Variants in SHTN1 observed in about 807,000 individuals in gnomAD.
SHTN1 encodes the protein shootin-1.
A neutral mutation model predicts 83.1 loss-of-function variants in SHTN1; 42 were observed. The ratio of observed to expected loss-of-function variants is 0.51; its 90% CI spans 0.39 to 0.65. SHTN1 has a LOEUF of 0.65. SHTN1 is among the 30% of genes least tolerant of loss of function. The probability of loss-of-function intolerance (pLI) is 0.00; values close to 1 mark genes in which losing one functional copy is unlikely to be tolerated. For missense variants in SHTN1, 622 were observed against 737.8 expected (o/e 0.84, Z 1.82); for synonymous variants, 224 against 247.7 (o/e 0.90, Z 0.90).
rs1245194162 is a variant in SHTN1, at chr10:116,968,716, A to C, written c.112-4T>G. The C allele has an allele frequency of 2.5e-5, 41 of 1,608,196 alleles. 1 individual carries two copies. The highest frequency in any genetic ancestry group is 1.6e-4 in the Middle Eastern group (1 of 6,080). On this transcript the variant is annotated splice_region_variant and splice_polypyrimidine_tract_variant and intron_variant, in intron 2 of 16. Coordinates refer to ENST00000355371, the MANE Select transcript of SHTN1 (RefSeq NM_001127211.3). ...GTTCTTGCCTAATTTTGTCACACTGAAATGAGAGAAGTAAACAAATGTTAA... is the reference window on the plus strand; with the variant it reads ...GTTCTTGCCTAATTTTGTCACACTGCAATGAGAGAAGTAAACAAATGTTAA...
At chr10:117,076,049 G>T (rs1181228331) in intron 1 of SHTN1, among the ~76,000 whole-genome samples, 4 of 151,942 alleles carry the variant, frequency 2.6e-5, no homozygotes, top group Non-Finnish European at 5.9e-5. Flanking sequence ...TAGGCGTGGT[G>T]GTGCATGCCT....
chr10:117,126,386 CAGG>C (rs1854009241), exon 1 of SHTN1: 2 of 181,848 alleles, frequency 1.1e-5, no homozygotes, highest in Admixed American at 5.7e-5. Flanking sequence ...TCCAGGCTCA[CAGG>C]AGGAGAGCTC....
intron 9 of SHTN1, among the ~76,000 whole-genome samples, chr10:116,935,743 C>T (rs1417747188): frequency 6.6e-6 from 1 of 152,158 alleles, no homozygotes; most frequent in Non-Finnish European, 1.5e-5. Context: ...AGGAATGGTA[C>T]CAGCTCCTCT....
chr10:117,104,775 AAAC>A (rs777622954), intron 1 of SHTN1, among the ~76,000 whole-genome samples: 16 of 152,274 alleles, frequency 1.1e-4, no homozygotes, highest in Non-Finnish European at 1.9e-4. Flanking sequence ...CTCCGTCTCA[AAAC>A]AACAACAACA....
chr10:117,112,427 C>T (rs1853781561), intron 1 of SHTN1, among the ~76,000 whole-genome samples: 1 of 152,162 alleles, frequency 6.6e-6, no homozygotes, highest in Non-Finnish European at 1.5e-5. Context: ...CAATAGAGGG[C>T]CTGGCCTGCT....
intron 16 of SHTN1, among the ~76,000 whole-genome samples, chr10:116,900,075 TA>T (rs1463992550): frequency 6.6e-6 from 1 of 152,246 alleles, no homozygotes; most frequent in Admixed American, 6.5e-5. Context: ...TCAATCTGGA[TA>T]GTCTAATTAT....
intron 2 of SHTN1, chr10:116,974,046 C>T: frequency 9.4e-7 from 1 of 1,063,262 alleles, no homozygotes; most frequent in Non-Finnish European, 1.2e-6. Flanking sequence ...CTCTCTTTCT[C>T]TTTTGGTGTT....
At chr10:117,052,277 A>T (rs1852756569) in intron 1 of SHTN1, among the ~76,000 whole-genome samples, 1 of 151,928 alleles carries the variant, frequency 6.6e-6, no homozygotes, top group African/African-American at 2.4e-5. Flanking sequence ...AGAAAATTTT[A>T]AAACCTAAAT....
intron 14 of SHTN1, among the ~76,000 whole-genome samples, chr10:116,909,057 T>C (rs1390886216): frequency 6.6e-6 from 1 of 152,178 alleles, no homozygotes; most frequent in Non-Finnish European, 1.5e-5. Context: ...AATCATAAAA[T>C]TTGAGAATCA....
chr10:117,029,392 G>A (rs1191759643), intron 2 of SHTN1, among the ~76,000 whole-genome samples: 3 of 152,200 alleles, frequency 2.0e-5, no homozygotes, highest in Non-Finnish European at 4.4e-5. Flanking sequence ...GCTGGAATGA[G>A]TTATGACCTT....
intron 9 of SHTN1, among the ~76,000 whole-genome samples, chr10:116,930,337 G>T (rs1313158258): frequency 1.3e-5 from 2 of 152,066 alleles, no homozygotes; most frequent in Non-Finnish European, 1.5e-5. Context: ...CATCACCAAG[G>T]TAAAAAGAAT....
intron 14 of SHTN1, among the ~76,000 whole-genome samples, chr10:116,910,223 G>A (rs1026209147): frequency 3.3e-5 from 5 of 152,158 alleles, no homozygotes; most frequent in African/African-American, 1.2e-4. Context: ...GCAGAGAGTA[G>A]GGGAGAGGAT....
At chr10:117,005,615 G>C (rs1325163109), upstream of SHTN1, 1 of 987,136 alleles carries the variant, frequency 1.0e-6, no homozygotes, top group African/African-American at 1.7e-5. Flanking sequence ...TAGTTTTCCC[G>C]CAGTAGACTC....
intron 2 of SHTN1, among the ~76,000 whole-genome samples, chr10:117,011,762 G>T (rs1358614232): frequency 1.3e-5 from 2 of 152,000 alleles, no homozygotes; most frequent in Non-Finnish European, 2.9e-5. Flanking sequence ...ATATGTGAAA[G>T]ATCTAGATGC....
chr10:116,907,785 A>G (rs1033670385), intron 14 of SHTN1: 1 of 465,380 alleles, frequency 2.1e-6, no homozygotes, highest in African/African-American at 2.0e-5. Flanking sequence ...CAAGTCTGGT[A>G]TAACTTGCCA....
At chr10:116,891,358 G>A (rs2133303486) in intron 16 of SHTN1, among the ~76,000 whole-genome samples, 1 of 152,288 alleles carries the variant, frequency 6.6e-6, no homozygotes, top group South Asian at 2.1e-4. Context: ...GTGAATCAAA[G>A]TATAGTTCTT....
chr10:117,036,050 A>C (rs937932124), intron 2 of SHTN1, among the ~76,000 whole-genome samples: 1 of 152,048 alleles, frequency 6.6e-6, no homozygotes, highest in Non-Finnish European at 1.5e-5. Context: ...AACATCACTG[A>C]TCATCAGAGA....
At chr10:116,917,783 G>C (rs185249556) in intron 12 of SHTN1, among the ~76,000 whole-genome samples, 1 of 152,148 alleles carries the variant, frequency 6.6e-6, no homozygotes, top group Non-Finnish European at 1.5e-5. Flanking sequence ...ATTCAGAGAC[G>C]TGCCACTATC....
intron 12 of SHTN1, among the ~76,000 whole-genome samples, chr10:116,921,070 G>T (rs184929198): frequency 2.0e-5 from 3 of 152,264 alleles, no homozygotes; most frequent in East Asian, 3.9e-4. Flanking sequence ...CACAACAGTG[G>T]AGTAGTACAT....
Sources: allele counts gnomAD v4.1 joint callset (sites outside exome capture counted in the v4.1 genomes callset), GRCh38; gene constraint gnomAD v4.1.1; transcripts MANE v1.5; gene names NCBI Gene and HGNC (gene_info 2026-07-23, HGNC 2026-07-21).